The following CDH13 variants were observed in gnomAD, a reference collection of about 807,000 sequenced individuals.
CDH13 encodes cadherin 13.
In CDH13, 24 loss-of-function variants were observed where a neutral mutation model predicts 63.8. The ratio of observed to expected loss-of-function variants is 0.38; its 90% CI spans 0.27 to 0.53. The LOEUF is 0.53. Among genes scored for constraint, CDH13 ranks in the 20% least tolerant of loss-of-function variants. The pLI is 0.85. For synonymous variants in CDH13, 503 were observed against 355.3 expected (o/e 1.42, Z -4.67); for missense variants, 1,049 against 903.1 (o/e 1.16, Z -2.07).
At chr16:83,220,662 AAAG>A in intron 5 of CDH13, among the ~76,000 whole-genome samples, 1 of 150,242 alleles carries the variant, frequency 6.7e-6, no homozygotes, top group South Asian at 2.1e-4. Flanking sequence ...CAAGAAAAAA[AAAG>A]AAAAAGAAAA....
intron 5 of CDH13, among the ~76,000 whole-genome samples, chr16:83,305,856 T>C (rs1430342232): frequency 1.3e-5 from 2 of 152,214 alleles, no homozygotes; most frequent in Non-Finnish European, 2.9e-5. Flanking sequence ...GCTGTCGCAA[T>C]TATTGACCTC....
intron 5 of CDH13, among the ~76,000 whole-genome samples, chr16:83,316,431 G>A (rs1261840073): frequency 6.6e-6 from 1 of 152,176 alleles, no homozygotes; most frequent in African/African-American, 2.4e-5. Context: ...GGGAGAAACG[G>A]GGAGCGATGC....
At chr16:82,643,204 A>G (rs1909633471) in intron 1 of CDH13, among the ~76,000 whole-genome samples, 1 of 152,220 alleles carries the variant, frequency 6.6e-6, no homozygotes, top group Non-Finnish European at 1.5e-5. Flanking sequence ...TAAGCTTTAT[A>G]GTATGTTACA....
At chr16:83,163,719 C>T (rs764844421) in intron 4 of CDH13, among the ~76,000 whole-genome samples, 5 of 152,090 alleles carry the variant, frequency 3.3e-5, no homozygotes, top group African/African-American at 9.7e-5. Flanking sequence ...GAGGCTTCTT[C>T]AGTGTGGGTT....
intron 9 of CDH13, among the ~76,000 whole-genome samples, chr16:83,674,062 CCTT>C (rs1354002102): frequency 2.0e-5 from 3 of 152,246 alleles, no homozygotes; most frequent in Admixed American, 1.3e-4. Context: ...CCCCAGAACA[CCTT>C]CTAGAAGCCA....
chr16:83,173,277 A>T (rs1356369264), intron 4 of CDH13, among the ~76,000 whole-genome samples: 1 of 152,068 alleles, frequency 6.6e-6, no homozygotes, highest in Non-Finnish European at 1.5e-5. Flanking sequence ...GTGACATTTA[A>T]ACTACTTTAT....
rs150355903 is a variant in CDH13 at position 83,625,154 on chromosome 16, CTG to C, written c.1101+22573_1101+22574del. Among the ~76,000 whole-genome samples, 707 of 149,720 alleles carry C rather than the reference CTG, an allele frequency of 4.7e-3. 3 individuals are homozygous for C. Among genetic ancestry groups the C allele is most frequent in the Non-Finnish European group, 7.6e-3 (513 of 67,488 alleles). ...TGGTGTTTGCCCACCTAAAGAAACT[CTG>C]TGTGTGTGTGTGCTCATGTGTGTGT... is the stretch of plus-strand genomic sequence containing the variant. On this transcript the variant is annotated intron_variant, in intron 8 of 13. Coordinates refer to ENST00000567109, the MANE Select transcript of CDH13 (RefSeq NM_001257.5).
intron 8 of CDH13, among the ~76,000 whole-genome samples, chr16:83,609,124 T>G (rs1347859872): frequency 6.6e-6 from 1 of 152,208 alleles, no homozygotes; most frequent in Non-Finnish European, 1.5e-5. Context: ...CTGTCATATA[T>G]ATGAGCTATG....
intron 6 of CDH13, among the ~76,000 whole-genome samples, chr16:83,366,462 A>G (rs1258250737): frequency 1.3e-5 from 2 of 152,196 alleles, no homozygotes; most frequent in Non-Finnish European, 2.9e-5. Flanking sequence ...CAGAAGTCAC[A>G]TCGCTGCTTG....
intron 3 of CDH13, among the ~76,000 whole-genome samples, chr16:83,089,368 A>C (rs1041749013): frequency 6.6e-6 from 1 of 152,210 alleles, no homozygotes; most frequent in African/African-American, 2.4e-5. Context: ...CTCACCATGC[A>C]CCTATTGTGT....
chr16:82,628,369 C>A (rs191485639), intron 1 of CDH13, among the ~76,000 whole-genome samples: 2 of 152,050 alleles, frequency 1.3e-5, no homozygotes, highest in African/African-American at 4.8e-5. Context: ...TGAGAGTTTG[C>A]GGGTGAAAGG....
Position 83,743,748 on chromosome 16 carries a change from C to CTTTTTTTTTTTTTTTTTTTTTTT in CDH13, c.1539-4341_1539-4340insTTTTTTTTTTTTTTTTTTTTTTT, listed in dbSNP as rs67886035. ...TGATGAGTTGCCTTTTTTCTTTTTT[C>CTTTTTTTTTTTTTTTTTTTTTTT]TTTTTTTTTTTTTTTTTTTCTTTGC... On this transcript the variant is annotated intron_variant, in intron 10 of 13. Coordinates refer to ENST00000567109, the MANE Select transcript of CDH13 (RefSeq NM_001257.5). Among the ~76,000 whole-genome samples, 35 of 76,266 alleles carry CTTTTTTTTTTTTTTTTTTTTTTT rather than the reference C, an allele frequency of 4.6e-4. 6 individuals carry two copies. Among genetic ancestry groups the CTTTTTTTTTTTTTTTTTTTTTTT allele is most frequent in the Non-Finnish European group, 5.0e-4 (23 of 45,812 alleles). 50.0% of individuals were successfully genotyped at this position (76,266 alleles called of 152,430 possible).
At chr16:83,006,053 T>G (rs1415589470) in intron 2 of CDH13, among the ~76,000 whole-genome samples, 1 of 152,212 alleles carries the variant, frequency 6.6e-6, no homozygotes, top group Non-Finnish European at 1.5e-5. Flanking sequence ...TTACATTTCA[T>G]GTCCTTAAGG....
chr16:82,751,146 G>A (rs2034397434), intron 1 of CDH13, among the ~76,000 whole-genome samples: 1 of 152,098 alleles, frequency 6.6e-6, no homozygotes, highest in African/African-American at 2.4e-5. Flanking sequence ...AGCCAGATGT[G>A]TACCAGTTGA....
At chr16:83,259,939 C>T (rs1194708932) in intron 5 of CDH13, among the ~76,000 whole-genome samples, 2 of 152,080 alleles carry the variant, frequency 1.3e-5, no homozygotes, top group African/African-American at 4.8e-5. Flanking sequence ...GAACATCATT[C>T]TTGAGTGATT....
intron 6 of CDH13, among the ~76,000 whole-genome samples, chr16:83,384,094 A>G (rs79847030): frequency 0.11 from 16,516 of 152,226 alleles, 1,142 homozygotes; most frequent in Non-Finnish European, 0.16. Flanking sequence ...TTGTTCATAC[A>G]TTAAATTTAA....
intron 4 of CDH13, among the ~76,000 whole-genome samples, chr16:83,137,399 G>A (rs961665411): frequency 6.6e-6 from 1 of 152,220 alleles, no homozygotes; most frequent in Non-Finnish European, 1.5e-5. Context: ...TGTGAAGTGA[G>A]GAGAAATGAG....
intron 2 of CDH13, among the ~76,000 whole-genome samples, chr16:82,920,828 A>G (rs2042131495): frequency 6.6e-6 from 1 of 152,204 alleles, no homozygotes; most frequent in South Asian, 2.1e-4. Context: ...TATTTCATCT[A>G]TTAAACATTT....
chr16:83,033,619 C>T (rs550002809), intron 3 of CDH13, among the ~76,000 whole-genome samples: 11 of 152,290 alleles, frequency 7.2e-5, no homozygotes, highest in African/African-American at 2.4e-4. Context: ...TGCTTGTTCC[C>T]TTCCACAGGC....
Sources: allele counts gnomAD v4.1 joint callset (sites outside exome capture counted in the v4.1 genomes callset), GRCh38; gene constraint gnomAD v4.1.1; transcripts MANE v1.5; gene names NCBI Gene and HGNC (gene_info 2026-07-23, HGNC 2026-07-21).